The following TPO variants were observed in gnomAD, a reference collection of about 807,000 sequenced individuals.
The protein encoded by TPO is thyroid microsomal antigen.
A neutral mutation model predicts 96.9 loss-of-function variants in TPO; 78 were observed. The ratio of observed to expected loss-of-function variants is 0.81; its 90% CI spans 0.67 to 0.97. The LOEUF is 0.97. Among genes scored for constraint, TPO ranks in the 50% least tolerant of loss-of-function variants. TPO has a pLI of 0.00. For missense variants in TPO, 1,252 were observed against 1,274.8 expected, an observed-to-expected ratio of 0.98 and a Z score of 0.27; for synonymous variants, 547 against 538.0, an observed-to-expected ratio of 1.02 and a Z score of -0.23.
At chr2:1,530,032 A>T (rs572183961) in intron 15 of TPO, among the ~76,000 whole-genome samples, 1,318 of 67,408 alleles carry the variant, frequency 0.02, 37 homozygotes, top group African/African-American at 0.081. Flanking sequence ...TCCCCAAATC[A>T]CCCCCACTCT....
At chr2:1,497,060 C>T (rs866830503) in intron 13 of TPO, among the ~76,000 whole-genome samples, 3 of 152,122 alleles carry the variant, frequency 2.0e-5, no homozygotes, top group South Asian at 2.1e-4. Flanking sequence ...GTGGTGAACT[C>T]GCAGGGGCGC....
intron 1 of TPO, among the ~76,000 whole-genome samples, chr2:1,404,886 T>G (rs920594493): frequency 6.6e-6 from 1 of 152,244 alleles, no homozygotes; most frequent in Admixed American, 6.5e-5. Flanking sequence ...CTTTCAAGAT[T>G]AATTTTATAG....
In TPO at chr2:1,423,069, C is replaced by T; in HGVS notation, c.119C>T (p.Ser40Phe). ...GGAAAGCCTGAGGAGTCTCGTGTCT[C>T]TAGCGTCTTGGAGGAAAGCAAGCGC... is the stretch of plus-strand genomic sequence containing the variant. ...LWGKPEESRV[S>F]SVLEESKRLV... The change falls in exon 3 of 17, where the codon TCT (serine) becomes TTT (phenylalanine). Residue 40 changes from serine (S) to phenylalanine (F), a missense_variant. Transcript: ENST00000329066. The T allele has an allele frequency of 6.2e-7, 1 of 1,614,212 alleles. No individual in the cohort carries two copies. Among genetic ancestry groups the T allele is most frequent in the Non-Finnish European group, 8.5e-7 (1 of 1,180,050 alleles).
At chr2:1,530,956 C>G (rs1277627079) in intron 15 of TPO, among the ~76,000 whole-genome samples, 1 of 104,174 alleles carries the variant, frequency 9.6e-6, no homozygotes, top group Non-Finnish European at 1.9e-5. Context: ...CTATGTGCGA[C>G]CTCCTCAAAT....
intron 15 of TPO, among the ~76,000 whole-genome samples, chr2:1,529,460 A>G (rs1347315686): frequency 4.2e-5 from 3 of 70,690 alleles, no homozygotes; most frequent in African/African-American, 1.5e-4. Flanking sequence ...ACTGTGTGCA[A>G]TCTCCCCATA....
intron 15 of TPO, among the ~76,000 whole-genome samples, chr2:1,535,418 C>G (rs1349084236): frequency 2.3e-5 from 2 of 85,426 alleles, no homozygotes; most frequent in Non-Finnish European, 2.4e-5. Flanking sequence ...AATCCCCCTA[C>G]TGTGTGCAAC....
At chr2:1,523,409 A>ATCCCTCCACTGTGTTCAACCTCCCCAAC (rs1675644392) in intron 15 of TPO, among the ~76,000 whole-genome samples, 1 of 137,660 alleles carries the variant, frequency 7.3e-6, no homozygotes, top group African/African-American at 2.8e-5. Context: ...AACACCCCAA[A>ATCCCTCCACTGTGTTCAACCTCCCCAAC]TCCCTCCCAC....
At chr2:1,525,302 A>G in intron 15 of TPO, among the ~76,000 whole-genome samples, 1 of 93,462 alleles carries the variant, frequency 1.1e-5, no homozygotes, top group Non-Finnish European at 2.3e-5. Context: ...ACCTCCTCAA[A>G]TCCCCCCCAC....
At chr2:1,540,843 C>T in intron 16 of TPO, 120 bp downstream of exon 16, 1 of 1,575,804 alleles carries the variant, frequency 6.3e-7, no homozygotes, top group South Asian at 1.2e-5. Context: ...GTTTCCTAGT[C>T]CGTTCTGCAC....
intron 8 of TPO, among the ~76,000 whole-genome samples, chr2:1,481,839 T>C (rs1242990666): frequency 2.6e-5 from 4 of 152,048 alleles, no homozygotes; most frequent in African/African-American, 7.2e-5. Flanking sequence ...CTCCTGGTCG[T>C]TCCTCTCCAG....
At chr2:1,449,629 C>G (rs938055065) in intron 5 of TPO, among the ~76,000 whole-genome samples, 1 of 152,012 alleles carries the variant, frequency 6.6e-6, no homozygotes, top group South Asian at 2.1e-4. Context: ...GCAATATTGA[C>G]ACTTGAAGTG....
chr2:1,387,230 C>G (rs908010510), intron 1 of TPO, among the ~76,000 whole-genome samples: 8 of 152,114 alleles, frequency 5.3e-5, no homozygotes, highest in Non-Finnish European at 1.2e-4. Flanking sequence ...GTGGTATTCT[C>G]TGTATTTCCT....
At chr2:1,465,402 G>A (rs1239452644) in intron 7 of TPO, among the ~76,000 whole-genome samples, 1 of 152,042 alleles carries the variant, frequency 6.6e-6, no homozygotes, top group Non-Finnish European at 1.5e-5. Context: ...GGTTCCATAC[G>A]AATTTTAGGA....
chr2:1,380,611 A>G (rs1661796020), intron 1 of TPO, among the ~76,000 whole-genome samples: 1 of 152,188 alleles, frequency 6.6e-6, no homozygotes, highest in African/African-American at 2.4e-5. Flanking sequence ...AGTTTTCAGC[A>G]ATTTACCTAA....
chr2:1,540,962 CTAAG>C, intron 16 of TPO: 4 of 1,489,846 alleles, frequency 2.7e-6, no homozygotes, highest in Non-Finnish European at 3.6e-6. Flanking sequence ...GGTTCCAAAA[CTAAG>C]GGCTCACTTT....
intron 1 of TPO, among the ~76,000 whole-genome samples, chr2:1,391,253 G>C (rs1163121967): frequency 1.3e-5 from 2 of 152,162 alleles, no homozygotes; most frequent in Non-Finnish European, 2.9e-5. Flanking sequence ...CATATGGCTA[G>C]CCAGTTTTCC....
At chr2:1,484,040 C>G (rs183733433) in intron 8 of TPO, among the ~76,000 whole-genome samples, 3 of 152,302 alleles carry the variant, frequency 2.0e-5, no homozygotes, top group Non-Finnish European at 2.9e-5. Context: ...CAACTTGACA[C>G]TGATTTTTCT....
chr2:1,421,188 C>T lies in TPO; in HGVS notation c.95-1857C>T, dbSNP rs559714619. On this transcript the variant is annotated intron_variant, in intron 2 of 16. Coordinates refer to ENST00000329066, the MANE Select transcript of TPO (RefSeq NM_001206744.2). ...CAGAGACTGAAAGCAAAAGGCACGACGGCCGGGAGCACTGAACGCTTGCCA... is the reference window on the plus strand; with the variant it reads ...CAGAGACTGAAAGCAAAAGGCACGATGGCCGGGAGCACTGAACGCTTGCCA... Among the ~76,000 whole-genome samples, 23 of 152,258 alleles carry T rather than the reference C, an allele frequency of 1.5e-4. No individual in the cohort carries two copies. In the East Asian group the frequency reaches 1.7e-3, roughly 12 times the overall value.
At chr2:1,501,316 C>G (rs1168693269) in intron 13 of TPO, among the ~76,000 whole-genome samples, 1 of 150,972 alleles carries the variant, frequency 6.6e-6, no homozygotes, top group Admixed American at 6.6e-5. Context: ...GAGAGCAGAG[C>G]CTCGGCCTCC....
Sources: gnomAD v4.1 joint callset for allele counts (sites outside exome capture counted in the v4.1 genomes callset) on GRCh38, gnomAD v4.1.1 for gene constraint, MANE v1.5 for transcripts, NCBI Gene and HGNC (gene_info 2026-07-23, HGNC 2026-07-21) for gene names.